Variants in STRN observed in about 807,000 individuals in gnomAD.
STRN encodes the protein striatin.
In STRN, 53 loss-of-function variants were observed where a neutral mutation model predicts 96.3. That is an observed-to-expected ratio of 0.55 (90% CI 0.44 to 0.69). The LOEUF is 0.69. Among genes scored for constraint, STRN ranks in the 30% least tolerant of loss-of-function variants. The pLI is 0.00. For missense variants in STRN, 987 were observed against 963.9 expected (o/e 1.02, Z -0.32); for synonymous variants, 428 against 355.9 (o/e 1.20, Z -2.28).
intron 6 of STRN, 47 bp from the exon 7 acceptor site, chr2:36,894,080 T>C: frequency 6.4e-7 from 1 of 1,572,760 alleles, no homozygotes; most frequent in Non-Finnish European, 8.6e-7. Context: ...AGTTTCCCTT[T>C]ACCACTGAAT....
At chr2:36,955,032 C>T (rs536143708) in intron 1 of STRN, among the ~76,000 whole-genome samples, 32 of 152,252 alleles carry the variant, frequency 2.1e-4, no homozygotes, top group African/African-American at 6.3e-4. Context: ...TTATTCTACT[C>T]GAAGAAAAAC....
intron 1 of STRN, among the ~76,000 whole-genome samples, chr2:36,944,917 T>A (rs1189020191): frequency 6.6e-6 from 1 of 152,194 alleles, no homozygotes; most frequent in Admixed American, 6.6e-5. Context: ...TGCCAAGTGT[T>A]AGCAGCAATA....
chr2:36,959,586 C>G (rs1341848340), intron 1 of STRN, among the ~76,000 whole-genome samples: 1 of 152,198 alleles, frequency 6.6e-6, no homozygotes, highest in African/African-American at 2.4e-5. Flanking sequence ...AAAGATTACT[C>G]TGTCATTACA....
At chr2:36,957,264 G>T (rs1474575723) in intron 1 of STRN, among the ~76,000 whole-genome samples, 1 of 152,156 alleles carries the variant, frequency 6.6e-6, no homozygotes, top group Non-Finnish European at 1.5e-5. Context: ...TCAGCTGGGT[G>T]GCCCAAACAT....
At chr2:36,887,736 T>A (rs1227978382) in intron 7 of STRN, among the ~76,000 whole-genome samples, 2 of 152,244 alleles carry the variant, frequency 1.3e-5, no homozygotes, top group African/African-American at 4.8e-5. Flanking sequence ...ACTTAAATGA[T>A]GTTAGTTTAT....
chr2:36,878,464 G>A (rs1026052072), intron 9 of STRN, among the ~76,000 whole-genome samples: 4 of 152,030 alleles, frequency 2.6e-5, no homozygotes, highest in Non-Finnish European at 4.4e-5. Flanking sequence ...AAATGAAAAT[G>A]GGTCAAATTC....
chr2:36,938,772 A>G (rs1454498677), intron 1 of STRN, among the ~76,000 whole-genome samples: 2 of 152,148 alleles, frequency 1.3e-5, no homozygotes, highest in Non-Finnish European at 2.9e-5. Flanking sequence ...TTTTTCATGT[A>G]ATCATCCTTT....
intron 3 of STRN, among the ~76,000 whole-genome samples, chr2:36,908,377 C>A (rs964492859): frequency 1.3e-5 from 2 of 152,128 alleles, no homozygotes; most frequent in African/African-American, 4.8e-5. Flanking sequence ...ATTACTGATA[C>A]AAACATACAT....
At chr2:36,875,945 C>T (rs894316676) in intron 10 of STRN, among the ~76,000 whole-genome samples, 3 of 152,002 alleles carry the variant, frequency 2.0e-5, no homozygotes, top group South Asian at 2.1e-4. Flanking sequence ...CGTGAGCCAC[C>T]GCGCCTGGCT....
chr2:36,957,353 G>T (rs369065544), intron 1 of STRN, among the ~76,000 whole-genome samples: 4 of 152,144 alleles, frequency 2.6e-5, no homozygotes, highest in African/African-American at 9.7e-5. Context: ...TTTGGGAGGC[G>T]GAGGCGGGCA....
chr2:36,936,679 AG>A (rs1572687395), intron 1 of STRN, among the ~76,000 whole-genome samples: 1 of 152,354 alleles, frequency 6.6e-6, no homozygotes, highest in East Asian at 1.9e-4. Flanking sequence ...AAGTGGTAAT[AG>A]GAGTATGCAT....
rs781750562 is a variant in STRN, at chr2:36,869,613, T to G, written c.1440A>C (p.Thr480=). 1.2e-6 allele frequency: 2 copies of G among 1,611,298 alleles called. No individual in the cohort carries two copies. The highest frequency in any genetic ancestry group is 1.7e-6 in the Non-Finnish European group (2 of 1,178,666). Residue 480 remains threonine (T), a synonymous_variant, in exon 11 of 18, where the codon ACA becomes ACC. Transcript: ENST00000263918. ...AFHPIEPVLI[T]ASEDHTLKMW... The stretch of plus-strand genomic sequence containing the variant: ...TTTTTAATGTGTGATCCTCTGATGC[T>G]GTTATCAAAACAGGCTCAATGGGAT...
intron 3 of STRN, among the ~76,000 whole-genome samples, chr2:36,913,260 G>A (rs1435367009): frequency 1.1e-4 from 16 of 152,112 alleles, no homozygotes; most frequent in Admixed American, 9.2e-4. Context: ...TACTTAACAT[G>A]TTTCACAAGG....
intron 3 of STRN, among the ~76,000 whole-genome samples, chr2:36,910,077 G>T (rs1669924618): frequency 6.6e-6 from 1 of 151,626 alleles, no homozygotes; most frequent in Non-Finnish European, 1.5e-5. Context: ...GGGGGCTGAG[G>T]CAGGAGAATC....
chr2:36,952,870 A>G lies in STRN; in HGVS notation c.234+13360T>C, dbSNP rs79662255. On this transcript the variant is annotated intron_variant, in intron 1 of 17. Coordinates refer to ENST00000263918, the MANE Select transcript of STRN (RefSeq NM_003162.4). ...AGCTTTACACCAATCCACATTCCTC[A>G]GGGAGCAGGTTTTGGTTGTGCCTAT... 2.4e-3 allele frequency among the ~76,000 whole-genome samples: 360 copies of G among 152,302 alleles called. 4 individuals are homozygous for G. Among genetic ancestry groups the G allele is most frequent in the African/African-American group, 8.4e-3 (350 of 41,560 alleles).
intron 10 of STRN, among the ~76,000 whole-genome samples, chr2:36,873,685 C>G (rs576148284): frequency 6.6e-6 from 1 of 152,268 alleles, no homozygotes; most frequent in East Asian, 1.9e-4. Context: ...TGGCTCACAC[C>G]TGTAATCCCA....
At chr2:36,915,701 C>T (rs889989567) in intron 3 of STRN, among the ~76,000 whole-genome samples, 15 of 152,144 alleles carry the variant, frequency 9.9e-5, no homozygotes, top group Admixed American at 6.5e-4. Flanking sequence ...CTCTTACCTC[C>T]ATATTTCCTA....
chr2:36,930,321 A>T (rs924741278), intron 1 of STRN, among the ~76,000 whole-genome samples: 1 of 151,890 alleles, frequency 6.6e-6, no homozygotes, highest in Admixed American at 6.6e-5. Context: ...AGTCCCAGCT[A>T]CTCAGGAGGC....
chr2:36,950,333 A>T (rs1036911787), intron 1 of STRN, among the ~76,000 whole-genome samples: 1 of 148,960 alleles, frequency 6.7e-6, no homozygotes, highest in African/African-American at 2.5e-5. Context: ...CTCCTGCCTC[A>T]GCCTCCTGAG....
Sources: gnomAD v4.1 joint callset for allele counts (sites outside exome capture counted in the v4.1 genomes callset) on GRCh38, gnomAD v4.1.1 for gene constraint, MANE v1.5 for transcripts, NCBI Gene and HGNC (gene_info 2026-07-23, HGNC 2026-07-21) for gene names.